TSPAN18: variants seen among roughly 807,000 people sequenced by gnomAD.
The protein encoded by TSPAN18 is tetraspanin 18.
In TSPAN18, 14 loss-of-function variants were observed where a neutral mutation model predicts 27.3. The ratio of observed to expected loss-of-function variants is 0.51; its 90% CI spans 0.34 to 0.80. The LOEUF (loss-of-function observed/expected upper bound fraction) is 0.80, where lower values mean the gene tolerates loss of function less well. Ranked by LOEUF, TSPAN18 falls within the 30% of genes least tolerant of loss-of-function variation. TSPAN18 has a pLI of 0.01. For missense variants in TSPAN18, 268 were observed against 323.9 expected (o/e 0.83, Z 1.32); for synonymous variants, 143 against 136.5 (o/e 1.05, Z -0.33).
At chr11:44,740,554 A>G (rs1200107850) in intron 1 of TSPAN18, among the ~76,000 whole-genome samples, 1 of 152,112 alleles carries the variant, frequency 6.6e-6, no homozygotes, top group East Asian at 1.9e-4. Flanking sequence ...GCTGATGGGG[A>G]CGTAGTGGCC....
intron 2 of TSPAN18, among the ~76,000 whole-genome samples, chr11:44,810,890 T>A (rs1856699298): frequency 6.6e-6 from 1 of 152,186 alleles, no homozygotes; most frequent in African/African-American, 2.4e-5. Flanking sequence ...ATTACAGGTG[T>A]GAGCCACCAA....
intron 2 of TSPAN18, among the ~76,000 whole-genome samples, chr11:44,846,379 G>A (rs547840280): frequency 2.6e-5 from 4 of 152,334 alleles, no homozygotes; most frequent in Middle Eastern, 3.4e-3. Flanking sequence ...ACCTTCTTGC[G>A]GAGTGTTGGG....
At position 44,930,390 on chromosome 11, in the gene TSPAN18, G is replaced by C. The variant is rs1860518303; in HGVS notation, c.*1212G>C. The C allele has an allele frequency of 6.2e-6, 1 of 162,294 alleles. No individual in the cohort carries two copies. The highest frequency in any genetic ancestry group is 6.1e-5 in the Admixed American group (1 of 16,370). The allele number at this position is 162,294 out of a possible 1,614,324, so 10.1% of individuals were successfully genotyped here. A position where few individuals can be genotyped will look rare whatever the true frequency, so the allele number is the denominator to read the frequency against. On this transcript the variant is annotated 3_prime_UTR_variant, in exon 10 of 10. Transcript: ENST00000520358. ...CAGAAGAGGTTTCTGTTTTTCTGTG[G>C]CTCTGTCCATGGCATCCCACTTGCC... is the stretch of plus-strand genomic sequence containing the variant.
chr11:44,735,437 G>C (rs1003399854), intron 1 of TSPAN18, among the ~76,000 whole-genome samples: 1 of 152,200 alleles, frequency 6.6e-6, no homozygotes, highest in African/African-American at 2.4e-5. Flanking sequence ...TCTGTCTGAG[G>C]GCTCTAGGGA....
chr11:44,795,504 C>T (rs764152703), intron 2 of TSPAN18, among the ~76,000 whole-genome samples: 5 of 152,054 alleles, frequency 3.3e-5, no homozygotes, highest in Non-Finnish European at 7.3e-5. Context: ...AGTGGGGGTA[C>T]AGGAAACCAG....
chr11:44,907,907 T>A (rs1210673851), intron 4 of TSPAN18, among the ~76,000 whole-genome samples: 1 of 151,942 alleles, frequency 6.6e-6, no homozygotes, highest in Non-Finnish European at 1.5e-5. Context: ...ATACAAAAAG[T>A]AGCCATGCGT....
chr11:44,792,302 G>A (rs547124279), intron 2 of TSPAN18, among the ~76,000 whole-genome samples: 64 of 152,296 alleles, frequency 4.2e-4, no homozygotes, highest in African/African-American at 1.5e-3. Context: ...GGAACAGCTT[G>A]GAGCATCTGC....
intron 8 of TSPAN18, among the ~76,000 whole-genome samples, chr11:44,921,922 G>A (rs561316268): frequency 6.6e-6 from 1 of 152,258 alleles, no homozygotes; most frequent in South Asian, 2.1e-4. Context: ...GCTCATCAGA[G>A]AGGTCCCTGC....
At chr11:44,747,391 C>T (rs976204576) in intron 1 of TSPAN18, among the ~76,000 whole-genome samples, 1 of 152,206 alleles carries the variant, frequency 6.6e-6, no homozygotes, top group Admixed American at 6.5e-5. Flanking sequence ...GACTTCCCTC[C>T]TCTAAGACTC....
At chr11:44,856,894 C>A (rs897315757) in intron 2 of TSPAN18, among the ~76,000 whole-genome samples, 1 of 146,980 alleles carries the variant, frequency 6.8e-6, no homozygotes, top group African/African-American at 2.5e-5. Context: ...TCTTCTTGAT[C>A]AGTGACTCAA....
intron 2 of TSPAN18, among the ~76,000 whole-genome samples, chr11:44,804,277 T>C (rs1190229842): frequency 6.6e-6 from 1 of 152,176 alleles, no homozygotes; most frequent in East Asian, 1.9e-4. Context: ...CAAATTTTTG[T>C]ATTTTTAGTT....
At chr11:44,807,527 CAAAAAAAAAA>C in intron 2 of TSPAN18, among the ~76,000 whole-genome samples, 1 of 64,474 alleles carries the variant, frequency 1.6e-5, no homozygotes, top group South Asian at 6.1e-4. Context: ...AACTCCATCT[CAAAAAAAAAA>C]AAAAAAAAAA....
chr11:44,908,807 G>GAAAGAAAGAA, intron 4 of TSPAN18, among the ~76,000 whole-genome samples: 2 of 114,546 alleles, frequency 1.7e-5, no homozygotes, highest in East Asian at 4.3e-4. Context: ...AAGAAAGAAA[G>GAAAGAAAGAA]AAAGAAAGAA....
chr11:44,743,366 C>T (rs1231716655), intron 1 of TSPAN18, among the ~76,000 whole-genome samples: 3 of 152,062 alleles, frequency 2.0e-5, no homozygotes, highest in Non-Finnish European at 2.9e-5. Flanking sequence ...TGGAAAGAGC[C>T]GTGGGGTGCA....
chr11:44,765,560 T>C (rs1855550751), intron 2 of TSPAN18, among the ~76,000 whole-genome samples: 1 of 152,174 alleles, frequency 6.6e-6, no homozygotes, highest in South Asian at 2.1e-4. Flanking sequence ...TCATCTGTCA[T>C]GTCATCTTGC....
At chr11:44,831,103 ACT>A (rs921459425) in intron 2 of TSPAN18, among the ~76,000 whole-genome samples, 6 of 152,140 alleles carry the variant, frequency 3.9e-5, no homozygotes, top group African/African-American at 1.4e-4. Flanking sequence ...ACACAGCAAG[ACT>A]CTGTCTCAAA....
chr11:44,848,046 G>A (rs1046173300), intron 2 of TSPAN18, among the ~76,000 whole-genome samples: 14 of 152,118 alleles, frequency 9.2e-5, no homozygotes, highest in Admixed American at 5.9e-4. Context: ...ATGTTGGCCA[G>A]GCTAGTCTTT....
chr11:44,915,586 C>A (rs1236271853), intron 5 of TSPAN18, among the ~76,000 whole-genome samples: 1 of 152,172 alleles, frequency 6.6e-6, no homozygotes, highest in African/African-American at 2.4e-5. Flanking sequence ...TGCCAGCAGG[C>A]CACCCAGCAA....
chr11:44,857,716 G>T (rs1357788054), intron 2 of TSPAN18, among the ~76,000 whole-genome samples: 1 of 152,174 alleles, frequency 6.6e-6, no homozygotes, highest in East Asian at 1.9e-4. Flanking sequence ...TCCACTCCCA[G>T]CCCCATCCAC....
Sources: allele counts gnomAD v4.1 joint callset (sites outside exome capture counted in the v4.1 genomes callset), GRCh38; gene constraint gnomAD v4.1.1; transcripts MANE v1.5; gene names NCBI Gene and HGNC (gene_info 2026-07-23, HGNC 2026-07-21).